The following LRP1B variants were observed in gnomAD, a reference collection of about 807,000 sequenced individuals.
LRP1B encodes the protein low-density lipoprotein receptor-related protein 1B.
LRP1B carries 217 observed loss-of-function variants against 556.6 expected under a neutral mutation model. The ratio of observed to expected loss-of-function variants is 0.39; its 90% confidence interval spans 0.35 to 0.44. LRP1B has a LOEUF of 0.44. Ranked by LOEUF, LRP1B falls within the 20% of genes least tolerant of loss-of-function variation. The pLI, the probability that LRP1B is intolerant of heterozygous loss-of-function variation, is 1.00. For missense variants in LRP1B, 5,053 were observed against 5,620.8 expected, an observed-to-expected ratio of 0.90 and a Z score of 3.23; for synonymous variants, 2,047 against 1,865.8, an observed-to-expected ratio of 1.10 and a Z score of -2.50.
intron 84 of LRP1B, among the ~76,000 whole-genome samples, chr2:140,286,012 A>G (rs1424447762): frequency 6.6e-6 from 1 of 151,912 alleles, no homozygotes; most frequent in Non-Finnish European, 1.5e-5. Flanking sequence ...TAGTCTCACT[A>G]CCTGACATAT....
intron 1 of LRP1B, among the ~76,000 whole-genome samples, chr2:142,110,079 T>G (rs569245718): frequency 1.3e-5 from 2 of 152,146 alleles, no homozygotes; most frequent in African/African-American, 4.8e-5. Context: ...GTAGAGACTC[T>G]GATGAGAAAG....
intron 3 of LRP1B, among the ~76,000 whole-genome samples, chr2:141,270,072 T>G (rs1239664616): frequency 6.6e-6 from 1 of 151,978 alleles, no homozygotes; most frequent in Non-Finnish European, 1.5e-5. Flanking sequence ...ATTTATAACA[T>G]AAAAAGAACT....
At chr2:141,523,584 C>T (rs570755131) in intron 2 of LRP1B, among the ~76,000 whole-genome samples, 3 of 152,016 alleles carry the variant, frequency 2.0e-5, no homozygotes, top group Non-Finnish European at 4.4e-5. Flanking sequence ...ACAAACTGCA[C>T]CAAGATAAAA....
At chr2:140,450,751 C>A in intron 62 of LRP1B, 90 bp from the exon 63 acceptor site, 1 of 798,924 alleles carries the variant, frequency 1.3e-6, no homozygotes, top group Non-Finnish European at 2.0e-6. Context: ...GCCTAGTCTA[C>A]TTTTTTGCTG....
intron 3 of LRP1B, among the ~76,000 whole-genome samples, chr2:141,325,265 G>C (rs1471007139): frequency 1.3e-5 from 2 of 151,976 alleles, no homozygotes; most frequent in Admixed American, 1.3e-4. Context: ...ATATCACTTG[G>C]AAGATGGGTC....
intron 45 of LRP1B, 106 bp from the exon 46 acceptor site, chr2:140,536,815 T>G (rs1679919917): frequency 2.5e-6 from 2 of 792,848 alleles, no homozygotes; most frequent in South Asian, 4.1e-5. Flanking sequence ...AAACTAAAAT[T>G]TATCAAAATG....
At chr2:141,036,510 G>A (rs1007383111) in intron 11 of LRP1B, among the ~76,000 whole-genome samples, 1 of 152,048 alleles carries the variant, frequency 6.6e-6, no homozygotes, top group Non-Finnish European at 1.5e-5. Flanking sequence ...CAAGACAACG[G>A]TCCTGTGAAA....
rs764100156 is a variant in LRP1B, at chr2:140,335,818, G to T, written c.11913C>A (p.Pro3971=). ...SGLICPEFKR[P]RDIAVDWVAG... is the part of the protein sequence containing the mutation. ...CCACCCAGTCAACTGCAATGTCCCT[G>T]GGCCTTTTAAATTCAGGACACTACA... The change falls in exon 78 of 91, where the codon CCC becomes CCA. Residue 3971 remains proline, a synonymous_variant. Transcript: ENST00000389484. The T allele has an allele frequency of 1.2e-5, 20 of 1,611,244 alleles. No homozygotes were observed. The highest frequency in any genetic ancestry group is 3.3e-5 in the Admixed American group (2 of 59,800).
rs1460275369 is a variant in LRP1B at position 140,834,110 on chromosome 2, G to A, written c.5209+5881C>T. ...AGGCTCTTCAAACAACTTCCCCTCAGAATCTTTTTGCTGTTCTAACCAGTC... is the reference window on the plus strand; with the variant it reads ...AGGCTCTTCAAACAACTTCCCCTCAAAATCTTTTTGCTGTTCTAACCAGTC... On this transcript the variant is annotated intron_variant, in intron 31 of 90. Transcript: ENST00000389484. Among the ~76,000 whole-genome samples the A allele has an allele frequency of 2.6e-5, 4 of 152,088 alleles. No individual in the cohort carries two copies. In the South Asian group the frequency reaches 8.3e-4, roughly 32 times the overall value.
chr2:140,317,190 A>G (rs17386316), intron 82 of LRP1B, among the ~76,000 whole-genome samples: 3,099 of 152,212 alleles, frequency 0.02, 39 homozygotes, highest in African/African-American at 0.028. Context: ...GAGAAGATCC[A>G]TGGATTTTAG....
chr2:141,540,065 C>T (rs548917110), intron 2 of LRP1B, among the ~76,000 whole-genome samples: 1 of 152,022 alleles, frequency 6.6e-6, no homozygotes, highest in Non-Finnish European at 1.5e-5. Context: ...CATGATAATG[C>T]CACTTAAATC....
intron 68 of LRP1B, among the ~76,000 whole-genome samples, chr2:140,374,390 A>T (rs558074017): frequency 3.3e-5 from 5 of 152,292 alleles, no homozygotes; most frequent in Non-Finnish European, 7.4e-5. Context: ...CATATAAGGA[A>T]AAAGAGTTCA....
At chr2:141,487,763 T>C (rs1328734963) in intron 2 of LRP1B, among the ~76,000 whole-genome samples, 2 of 152,120 alleles carry the variant, frequency 1.3e-5, no homozygotes, top group African/African-American at 2.4e-5. Context: ...AAGGTTAGGC[T>C]CAAACCCTAG....
Position 140,948,591 on chromosome 2 carries a change from G to A in LRP1B, c.3136+1644C>T, listed in dbSNP as rs116571082. Among the ~76,000 whole-genome samples the A allele has an allele frequency of 5.3e-3, 802 of 152,292 alleles. 8 individuals carry two copies. Among genetic ancestry groups the A allele is most frequent in the African/African-American group, 0.018 (758 of 41,576 alleles). ...GATAATGCATTCTTCTGATTTTGAAGCAAAATTGAATTCAAATATGCTTAT... is the reference window on the plus strand; with the variant it reads ...GATAATGCATTCTTCTGATTTTGAAACAAAATTGAATTCAAATATGCTTAT... On this transcript the variant is annotated intron_variant, in intron 20 of 90. Transcript: ENST00000389484.
At chr2:140,801,530 C>T (rs1690511414) in intron 32 of LRP1B, among the ~76,000 whole-genome samples, 1 of 151,626 alleles carries the variant, frequency 6.6e-6, no homozygotes, top group South Asian at 2.1e-4. Flanking sequence ...TGACTTGAGT[C>T]ACAATCCCAG....
chr2:141,436,984 T>C, intron 3 of LRP1B, among the ~76,000 whole-genome samples: 1 of 152,232 alleles, frequency 6.6e-6, no homozygotes, highest in Non-Finnish European at 1.5e-5. Flanking sequence ...GTAAATTTAA[T>C]TATGAGATAT....
intron 2 of LRP1B, among the ~76,000 whole-genome samples, chr2:141,714,676 A>C (rs984372916): frequency 1.3e-5 from 2 of 152,168 alleles, no homozygotes; most frequent in African/African-American, 4.8e-5. Context: ...ATGACCTGGC[A>C]GGAAGCTGCA....
intron 1 of LRP1B, among the ~76,000 whole-genome samples, chr2:141,865,383 G>C (rs1338412424): frequency 6.6e-6 from 1 of 151,790 alleles, no homozygotes; most frequent in Non-Finnish European, 1.5e-5. Context: ...ACGAGGTCAG[G>C]AGATCGAGAC....
intron 31 of LRP1B, among the ~76,000 whole-genome samples, chr2:140,826,149 G>C (rs1217044111): frequency 6.6e-6 from 1 of 152,302 alleles, no homozygotes; most frequent in Non-Finnish European, 1.5e-5. Flanking sequence ...CTAAGGGCTA[G>C]CCAGTTTTCA....
Sources: gnomAD v4.1 joint callset for allele counts (sites outside exome capture counted in the v4.1 genomes callset) on GRCh38, gnomAD v4.1.1 for gene constraint, MANE v1.5 for transcripts, NCBI Gene and HGNC (gene_info 2026-07-23, HGNC 2026-07-21) for gene names.